RAB27A: variants seen among roughly 807,000 people sequenced by gnomAD.
RAB27A encodes the protein ras-related protein Rab-27A.
A neutral mutation model predicts 20.8 loss-of-function variants in RAB27A; 17 were observed. The ratio of observed to expected loss-of-function variants is 0.82; its 90% CI spans 0.56 to 1.23. The LOEUF (loss-of-function observed/expected upper bound fraction) is 1.23, where lower values mean the gene tolerates loss of function less well. Among genes scored for constraint, RAB27A ranks in the 50% most tolerant of loss-of-function variants. RAB27A has a pLI of 0.00. For synonymous variants in RAB27A, 85 were observed against 92.8 expected, an observed-to-expected ratio of 0.92 and a Z score of 0.48; for missense variants, 277 against 266.7, an observed-to-expected ratio of 1.04 and a Z score of -0.27.
chr15:55,258,063 T>C (rs2141057615), intron 2 of RAB27A, among the ~76,000 whole-genome samples: 1 of 121,042 alleles, frequency 8.3e-6, no homozygotes, highest in Non-Finnish European at 1.7e-5. Context: ...CGAGACTCAG[T>C]CTCAAAAAAA....
At chr15:55,215,700 G>C (rs1389335033) in intron 6 of RAB27A, among the ~76,000 whole-genome samples, 2 of 149,048 alleles carry the variant, frequency 1.3e-5, no homozygotes, top group African/African-American at 5.0e-5. Flanking sequence ...GGTAGCTCAC[G>C]CCTGTAATCC....
intron 1 of RAB27A, among the ~76,000 whole-genome samples, chr15:55,281,672 G>A (rs1898018951): frequency 6.7e-6 from 1 of 150,286 alleles, no homozygotes; most frequent in Non-Finnish European, 1.5e-5. Context: ...GGGTGACAAA[G>A]ACAAGAAAGA....
chr15:55,214,174 T>C (rs138693849), intron 6 of RAB27A, among the ~76,000 whole-genome samples: 14,103 of 152,260 alleles, frequency 0.093, 821 homozygotes, highest in African/African-American at 0.15. Context: ...CGATGGCTGA[T>C]GCCTGTAATC....
chr15:55,209,930 A>G lies in RAB27A; in HGVS notation c.468-4225T>C, dbSNP rs1196886752. Among the ~76,000 whole-genome samples, 18 of 120,986 alleles carry G rather than the reference A, an allele frequency of 1.5e-4. 2 individuals are homozygous for G. Among genetic ancestry groups the G allele is most frequent in the South Asian group, 7.3e-4 (3 of 4,134 alleles). 79.4% of individuals were successfully genotyped at this position (120,986 alleles called of 152,430 possible). On this transcript the variant is annotated intron_variant, in intron 6 of 6. Coordinates refer to ENST00000336787, the MANE Select transcript of RAB27A (RefSeq NM_183235.3). ...TGTGTGTATGTATATACACACATATATGTATGTACATGTACACACATACGC... is the reference window on the plus strand; with the variant it reads ...TGTGTGTATGTATATACACACATATGTGTATGTACATGTACACACATACGC...
chr15:55,289,633 G>A (rs933192117), intron 1 of RAB27A, 83 bp downstream of exon 1: 2 of 152,818 alleles, frequency 1.3e-5, no homozygotes, highest in African/African-American at 4.8e-5. Flanking sequence ...CCAGCCCTAG[G>A]ACGGCCCCAG....
intron 2 of RAB27A, among the ~76,000 whole-genome samples, chr15:55,237,778 G>GT (rs1264198954): frequency 2.0e-5 from 3 of 152,028 alleles, no homozygotes; most frequent in African/African-American, 4.8e-5. Context: ...AGAAGACACT[G>GT]TGACTACCTT....
At chr15:55,254,661 T>TCTG (rs1897017119) in intron 2 of RAB27A, among the ~76,000 whole-genome samples, 1 of 152,204 alleles carries the variant, frequency 6.6e-6, no homozygotes, top group South Asian at 2.1e-4. Flanking sequence ...GCCCTCCATC[T>TCTG]TATGTTCTCT....
At chr15:55,293,388 TCTATTAGTG>T (rs1156795293), upstream of RAB27A, among the ~76,000 whole-genome samples, 3 of 151,230 alleles carry the variant, frequency 2.0e-5, no homozygotes, top group African/African-American at 7.3e-5. Flanking sequence ...AAATAAAAAA[TCTATTAGTG>T]CTAATAAATG....
chr15:55,257,957 C>A (rs1330862689), intron 2 of RAB27A, among the ~76,000 whole-genome samples: 1 of 151,742 alleles, frequency 6.6e-6, no homozygotes, highest in South Asian at 2.1e-4. Context: ...CATGCCACTG[C>A]ACTCCAGGCT....
chr15:55,296,054 G>A (rs147416982), intron 2 of RAB27A, among the ~76,000 whole-genome samples: 2,834 of 151,508 alleles, frequency 0.019, 93 homozygotes, highest in African/African-American at 0.065. Flanking sequence ...CCGCCACCAT[G>A]CCCAGTTGTT....
intron 6 of RAB27A, among the ~76,000 whole-genome samples, chr15:55,219,642 G>A (rs1017529811): frequency 4.6e-5 from 7 of 152,194 alleles, no homozygotes; most frequent in Admixed American, 4.6e-4. Context: ...AAAGAGGAAT[G>A]TTGCCAATAT....
At chr15:55,206,493 C>T (rs1177978059) in intron 6 of RAB27A, among the ~76,000 whole-genome samples, 1 of 151,968 alleles carries the variant, frequency 6.6e-6, no homozygotes, top group Non-Finnish European at 1.5e-5. Flanking sequence ...AGGCGCACAC[C>T]ACCACACCTG....
In RAB27A at chr15:55,205,519, T is replaced by C; in HGVS notation, c.654A>G (p.Ala218=). The C allele has an allele frequency of 1.2e-6, 2 of 1,614,152 alleles. No homozygotes were observed. The highest frequency in any genetic ancestry group is 1.7e-6 in the Non-Finnish European group (2 of 1,179,998). ...DQLSEEKEKG[A]CGC is the part of the protein sequence containing the mutation. ...CTTACTTGACTTCTCAACAGCCACA[T>C]GCCCCTTTCTCCTTTTCTTCACTTA... Residue 218 remains alanine (A), a synonymous_variant, in exon 7 of 7, where the codon GCA becomes GCG. Coordinates refer to ENST00000336787, the MANE Select transcript of RAB27A (RefSeq NM_183235.3).
chr15:55,262,450 G>A (rs1358296403), intron 2 of RAB27A, among the ~76,000 whole-genome samples: 14 of 151,280 alleles, frequency 9.3e-5, no homozygotes, highest in Non-Finnish European at 4.4e-5. Flanking sequence ...GCTGAGGCAG[G>A]AGAATGGCGT....
chr15:55,317,922 G>A, intron 1 of RAB27A: 1 of 385,304 alleles, frequency 2.6e-6, no homozygotes, highest in Non-Finnish European at 4.6e-6. Context: ...CCTTTTAAAA[G>A]ATGTTATGTC....
chr15:55,316,499 T>C (rs1181085099), intron 1 of RAB27A, among the ~76,000 whole-genome samples: 1 of 151,244 alleles, frequency 6.6e-6, no homozygotes, highest in Non-Finnish European at 1.5e-5. Context: ...AAAACCTAGA[T>C]GACGGGTTGA....
At chr15:55,250,974 G>A (rs528982741) in intron 2 of RAB27A, among the ~76,000 whole-genome samples, 14 of 152,278 alleles carry the variant, frequency 9.2e-5, no homozygotes, top group African/African-American at 1.7e-4. Flanking sequence ...AGACACCAAC[G>A]CCCATAGACC....
At chr15:55,234,362 T>C (rs906320762) in intron 3 of RAB27A, among the ~76,000 whole-genome samples, 5 of 152,216 alleles carry the variant, frequency 3.3e-5, no homozygotes, top group Admixed American at 3.3e-4. Context: ...TGCCAGTTAG[T>C]GTTCCATGTG....
intron 6 of RAB27A, among the ~76,000 whole-genome samples, chr15:55,211,447 T>C (rs1895022180): frequency 6.6e-6 from 1 of 152,280 alleles, no homozygotes; most frequent in African/African-American, 2.4e-5. Flanking sequence ...GTTTTATAGT[T>C]TTCCTTGTAT....
Sources: allele counts gnomAD v4.1 joint callset (sites outside exome capture counted in the v4.1 genomes callset), GRCh38; gene constraint gnomAD v4.1.1; transcripts MANE v1.5; gene names NCBI Gene and HGNC (gene_info 2026-07-23, HGNC 2026-07-21).